The following KLRK1 variants were observed in gnomAD, a reference collection of about 807,000 sequenced individuals.
KLRK1 encodes the protein NKG2-D type II integral membrane protein.
A neutral mutation model predicts 31.3 loss-of-function variants in KLRK1; 40 were observed. That is an observed-to-expected ratio of 1.28 (90% CI 0.99 to 1.67). KLRK1 has a LOEUF of 1.67. Among genes scored for constraint, KLRK1 ranks in the 40% most tolerant of loss-of-function variants. KLRK1 has a pLI of 0.00. For synonymous variants in KLRK1, 77 were observed against 77.3 expected, an observed-to-expected ratio of 1.00 and a Z score of 0.02; for missense variants, 251 against 260.0, an observed-to-expected ratio of 0.97 and a Z score of 0.24.
chr12:10,384,013 C>A (rs1029805035), intron 3 of KLRK1, among the ~76,000 whole-genome samples: 1 of 151,794 alleles, frequency 6.6e-6, no homozygotes, highest in Admixed American at 6.6e-5. Flanking sequence ...ATTTGTAATA[C>A]CTACAAATAA....
Position 10,373,163 on chromosome 12 carries a change from T to C in KLRK1, c.602A>G (p.Glu201Gly). The change falls in exon 8 of 8, where the codon GAA (glutamate) becomes GGA (glycine). Residue 201 changes from glutamate to glycine, a missense_variant. Glu to Gly is a moderately conservative substitution (Grantham distance 98). Transcript: ENST00000240618. ...LYASSFKGYI[E>G]NCSTPNTYIC... ...GTACGTATTTGGAGTTGAACAGTTT[T>C]CTATATAGCCTTTAAAGCTCGAGGC... 6.2e-7 allele frequency: 1 copy of C among 1,612,698 alleles called. No individual in the cohort carries two copies. Among genetic ancestry groups the C allele is most frequent in the Non-Finnish European group, 8.5e-7 (1 of 1,179,536 alleles).
In KLRK1 at chr12:10,379,835, A is replaced by C. The variant is rs2617151; in HGVS notation, c.149-43T>G. ...CACAGATCAGAGAAAGAAGCATAAA[A>C]GGTTTGGGTATCTTTGTATTTAATA... On this transcript the variant is annotated intron_variant, in intron 3 of 7. Transcript: ENST00000240618. The C allele has an allele frequency of 5.1e-6, 8 of 1,570,576 alleles. 1 individual carries two copies. The South Asian group carries it at 9.4e-5, about 18-fold the overall frequency.
intron 7 of KLRK1, 73 bp downstream of exon 7, chr12:10,378,059 G>GTGAT (rs1341023487): frequency 7.1e-7 from 1 of 1,415,824 alleles, no homozygotes; most frequent in Non-Finnish European, 9.8e-7. Flanking sequence ...TGTGAGATGA[G>GTGAT]TGATTAGAAT....
At chr12:10,388,942 A>T (rs1863221041) in intron 1 of KLRK1, 67 bp from the exon 2 acceptor site, 2 of 1,085,602 alleles carry the variant, frequency 1.8e-6, no homozygotes, top group East Asian at 5.2e-5. Flanking sequence ...AATATTTTGA[A>T]TAGAAAAGTA....
At chr12:10,380,059 G>GTTTTTTTTTT (rs1162094591) in intron 3 of KLRK1, among the ~76,000 whole-genome samples, 15 of 83,766 alleles carry the variant, frequency 1.8e-4, no homozygotes, top group East Asian at 3.6e-4. Flanking sequence ...TGTTGTTATT[G>GTTTTTTTTTT]TTTTTTTTTT....
intron 3 of KLRK1, among the ~76,000 whole-genome samples, chr12:10,381,615 G>A (rs1458997260): frequency 4.6e-5 from 7 of 150,920 alleles, no homozygotes; most frequent in Non-Finnish European, 8.8e-5. Context: ...AAACAATTAA[G>A]AAAATGGCAG....
chr12:10,374,545 C>T (rs58837727), intron 7 of KLRK1, among the ~76,000 whole-genome samples: 5,607 of 152,030 alleles, frequency 0.037, 347 homozygotes, highest in African/African-American at 0.13. Flanking sequence ...CAGGCACTTG[C>T]CACCACATCT....
intron 3 of KLRK1, among the ~76,000 whole-genome samples, chr12:10,385,371 C>CACACACACACACACACAG: frequency 7.9e-6 from 1 of 125,852 alleles, no homozygotes; most frequent in Middle Eastern, 3.9e-3. Flanking sequence ...CACACAGACA[C>CACACACACACACACACAG]ACACACACAC....
chr12:10,383,624 A>T (rs1281387924), intron 3 of KLRK1, among the ~76,000 whole-genome samples: 5 of 152,100 alleles, frequency 3.3e-5, no homozygotes, highest in Non-Finnish European at 7.4e-5. Flanking sequence ...GAAACATCAG[A>T]GTAAAACTAT....
At chr12:10,375,033 G>GT (rs931569414) in intron 7 of KLRK1, among the ~76,000 whole-genome samples, 8 of 86,486 alleles carry the variant, frequency 9.3e-5, no homozygotes, top group African/African-American at 3.0e-4. Context: ...GAGAATCAAT[G>GT]TTTTTTCTGT....
At chr12:10,388,447 C>T (rs762436276) in intron 2 of KLRK1, among the ~76,000 whole-genome samples, 13 of 152,076 alleles carry the variant, frequency 8.5e-5, no homozygotes, top group Non-Finnish European at 1.8e-4. Context: ...ACAGAGGTTG[C>T]AAATTGACCC....
intron 3 of KLRK1, among the ~76,000 whole-genome samples, chr12:10,380,640 C>G (rs1565492914): frequency 6.6e-6 from 1 of 152,166 alleles, no homozygotes; most frequent in Non-Finnish European, 1.5e-5. Context: ...GGACTCTCCA[C>G]TGAGGAGAAA....
At position 10,382,891 on chromosome 12, in the gene KLRK1, TTTTG is replaced by T. The variant is rs1429229800; in HGVS notation, c.149-3103_149-3100del. 4.6e-5 allele frequency among the ~76,000 whole-genome samples: 7 copies of T among 152,292 alleles called. No homozygotes were observed. In the East Asian group the frequency reaches 1.3e-3, roughly 29 times the overall value. ...AGTTGTTTAGTTTTTTCTTTTGTTG[TTTTG>T]TTTTTCTTTGCTTTGTGATCAAAGT... is the stretch of plus-strand genomic sequence containing the variant. On this transcript the variant is annotated intron_variant, in intron 3 of 7. Transcript: ENST00000240618.
chr12:10,373,105 T>A lies in KLRK1; in HGVS notation c.*9A>T, dbSNP rs1565490049. On this transcript the variant is annotated 3_prime_UTR_variant, in exon 8 of 8. Coordinates refer to ENST00000240618, the MANE Select transcript of KLRK1 (RefSeq NM_007360.4). The stretch of plus-strand genomic sequence containing the variant: ...TGTTCCTGGCTTTTATTGAGATGGT[T>A]GATCATCTTTACACAGTCCTTTGCA... The A allele has an allele frequency of 6.2e-7, 1 of 1,608,826 alleles. No homozygotes were observed. The highest frequency in any genetic ancestry group is 1.1e-5 in the South Asian group (1 of 90,592).
chr12:10,378,766 T>G (rs900472373), intron 5 of KLRK1, 61 bp from the exon 6 acceptor site: 20 of 1,511,462 alleles, frequency 1.3e-5, no homozygotes, highest in Non-Finnish European at 1.7e-5. Context: ...AGATTTTGTC[T>G]AGACAAATTA....
At chr12:10,375,191 CAT>C (rs1226941399) in intron 7 of KLRK1, among the ~76,000 whole-genome samples, 1 of 152,136 alleles carries the variant, frequency 6.6e-6, no homozygotes, top group African/African-American at 2.4e-5. Flanking sequence ...GAAAATAACA[CAT>C]GAGAGTAAAA....
At chr12:10,381,191 T>G (rs1170195682) in intron 3 of KLRK1, among the ~76,000 whole-genome samples, 1 of 151,032 alleles carries the variant, frequency 6.6e-6, no homozygotes, top group African/African-American at 2.4e-5. Context: ...GTGCCACCAC[T>G]GCCAGCAATC....
chr12:10,375,006 T>A (rs11833177), intron 7 of KLRK1, among the ~76,000 whole-genome samples: 13,125 of 150,954 alleles, frequency 0.087, 1,862 homozygotes, highest in African/African-American at 0.3. Context: ...AACTATGATA[T>A]AAACTCTTAT....
At chr12:10,389,232 CCAG>C (rs1292635686) in intron 1 of KLRK1, among the ~76,000 whole-genome samples, 1 of 152,050 alleles carries the variant, frequency 6.6e-6, no homozygotes, top group Non-Finnish European at 1.5e-5. Flanking sequence ...TCAAGTGTTT[CCAG>C]TTGTTTATTT....
Sources: allele counts gnomAD v4.1 joint callset (sites outside exome capture counted in the v4.1 genomes callset), GRCh38; gene constraint gnomAD v4.1.1; transcripts MANE v1.5; gene names NCBI Gene and HGNC (gene_info 2026-07-23, HGNC 2026-07-21).